The following MYRFL variants were observed in gnomAD, a reference collection of about 807,000 sequenced individuals.
The protein encoded by MYRFL is myelin regulatory factor like.
In MYRFL, 88 loss-of-function variants were observed where a neutral mutation model predicts 109.4. The observed-to-expected ratio is 0.80, with a 90% confidence interval of 0.68 to 0.96. MYRFL has a LOEUF of 0.96. Ranked by LOEUF, MYRFL falls within the 40% of genes least tolerant of loss-of-function variation. MYRFL has a pLI of 0.00. For missense variants in MYRFL, 957 were observed against 954.9 expected (o/e 1.00, Z -0.03); for synonymous variants, 324 against 320.9 (o/e 1.01, Z -0.10).
chr12:69,897,761 C>T (rs1374609682), intron 10 of MYRFL, among the ~76,000 whole-genome samples: 1 of 152,084 alleles, frequency 6.6e-6, no homozygotes, highest in Non-Finnish European at 1.5e-5. Context: ...TCTCTCTGAC[C>T]CTAAAGCCCA....
At chr12:69,911,294 G>A (rs1954560890) in intron 13 of MYRFL, among the ~76,000 whole-genome samples, 1 of 152,106 alleles carries the variant, frequency 6.6e-6, no homozygotes, top group African/African-American at 2.4e-5. Flanking sequence ...TTTTAAAATG[G>A]TAATAAACTT....
At chr12:69,841,468 A>G (rs971617590) in intron 1 of MYRFL, among the ~76,000 whole-genome samples, 20 of 152,198 alleles carry the variant, frequency 1.3e-4, no homozygotes, top group Admixed American at 5.9e-4. Flanking sequence ...GCTCATTTCC[A>G]TGGTGTAAAT....
chr12:69,835,319 G>T (rs1882869171), intron 1 of MYRFL, among the ~76,000 whole-genome samples: 1 of 152,168 alleles, frequency 6.6e-6, no homozygotes, highest in Non-Finnish European at 1.5e-5. Context: ...CCTTAAAAGG[G>T]ATAGAAGTTT....
chr12:69,874,344 A>T (rs542536253), intron 2 of MYRFL, among the ~76,000 whole-genome samples: 24 of 152,168 alleles, frequency 1.6e-4, no homozygotes, highest in African/African-American at 5.8e-4. Flanking sequence ...CGCCCTGCTA[A>T]TTTTAATATT....
intron 2 of MYRFL, among the ~76,000 whole-genome samples, chr12:69,870,182 C>T (rs1282570546): frequency 7.8e-6 from 1 of 127,770 alleles, no homozygotes; most frequent in Non-Finnish European, 1.6e-5. Context: ...GATCTCGGCT[C>T]ACTGCAACCT....
intron 1 of MYRFL, among the ~76,000 whole-genome samples, chr12:69,852,295 C>A (rs1029825909): frequency 6.6e-6 from 1 of 152,008 alleles, no homozygotes; most frequent in Non-Finnish European, 1.5e-5. Flanking sequence ...TTATTCAAAT[C>A]TTTTCTTAAG....
At chr12:69,958,197 A>G in intron 23 of MYRFL, 52 bp from the exon 24 acceptor site, 1 of 1,429,584 alleles carries the variant, frequency 7.0e-7, no homozygotes, top group Non-Finnish European at 9.5e-7. Flanking sequence ...ACTCTTTCCT[A>G]CTGACTGTCA....
rs145873708 is a variant in MYRFL, at chr12:69,914,071, A to AT, written c.1602+3148dup. On this transcript the variant is annotated intron_variant, in intron 13 of 24. Coordinates refer to ENST00000552032, the MANE Select transcript of MYRFL (RefSeq NM_182530.3). ...TCTTTTCGATGTGATTGTAAGAGGG[A>AT]TTTTTTTCCTAGTTTTCTTTTCAGA... Among the ~76,000 whole-genome samples the AT allele has an allele frequency of 2.0e-3, 299 of 151,942 alleles. 6 individuals carry two copies. The East Asian group carries it at 0.05, about 25-fold the overall frequency.
At chr12:69,904,959 G>A (rs1954308295) in intron 11 of MYRFL, among the ~76,000 whole-genome samples, 1 of 152,192 alleles carries the variant, frequency 6.6e-6, no homozygotes. Flanking sequence ...TTTGCTTAGA[G>A]GATTCCAAAG....
chr12:69,891,025 A>T lies in MYRFL; in HGVS notation c.762A>T (p.Ala254=). The T allele has an allele frequency of 1.3e-6, 2 of 1,534,740 alleles. No homozygotes were observed. Among genetic ancestry groups the T allele is most frequent in the Non-Finnish European group, 1.7e-6 (2 of 1,146,320 alleles). Residue 254 remains alanine (A), a synonymous_variant, in exon 7 of 25, where the codon GCA becomes GCT. Coordinates refer to ENST00000552032, the MANE Select transcript of MYRFL (RefSeq NM_182530.3). ...VTDKGFNFSP[A]DEAFVCQKKN... is the part of the protein sequence containing the mutation. The stretch of plus-strand genomic sequence containing the variant: ...ACAAAGGATTTAATTTTTCACCAGC[A>T]GATGAAGCTTTTGTTTGCCAAAAGA...
chr12:69,839,672 A>G (rs1012600950), intron 1 of MYRFL, among the ~76,000 whole-genome samples: 1 of 152,240 alleles, frequency 6.6e-6, no homozygotes, highest in African/African-American at 2.4e-5. Context: ...TACCTATCTC[A>G]TAGAATAAAA....
At chr12:69,866,848 G>A (rs1332303958) in intron 2 of MYRFL, among the ~76,000 whole-genome samples, 1 of 152,218 alleles carries the variant, frequency 6.6e-6, no homozygotes, top group Non-Finnish European at 1.5e-5. Context: ...TCCATGGTCA[G>A]TAAATTAGCT....
intron 12 of MYRFL, 117 bp downstream of exon 12, chr12:69,910,194 T>C: frequency 1.4e-6 from 1 of 707,854 alleles, no homozygotes. Context: ...ATCTAACTTG[T>C]TCTCTGTGAA....
intron 7 of MYRFL, 25 bp from the exon 8 acceptor site, chr12:69,893,735 ATTAG>A (rs1800557007): frequency 7.9e-7 from 1 of 1,259,838 alleles, no homozygotes; most frequent in Non-Finnish European, 1.0e-6. Flanking sequence ...TAATTAATTA[ATTAG>A]TTTACTTTTT....
chr12:69,930,750 T>G (rs559063148), intron 15 of MYRFL, among the ~76,000 whole-genome samples: 4 of 147,566 alleles, frequency 2.7e-5, no homozygotes, highest in African/African-American at 1.0e-4. Flanking sequence ...TGGTAGAGGC[T>G]GCAGTGAGGC....
Position 69,886,909 on chromosome 12 carries a change from A to C in MYRFL, c.646A>C (p.Lys216Gln). Residue 216 changes from lysine (K) to glutamine (Q), a missense_variant, in exon 6 of 25, where the codon AAG becomes CAG. Lys to Gln is a moderately conservative substitution (Grantham distance 53). Transcript: ENST00000552032. ...MPTDQCSPAL[K>Q]WQPCHSVPWH... is the part of the protein sequence containing the mutation. ...TACAGACCAGTGCTCTCCTGCTCTG[A>C]AGTGGCAACCATGCCATAGTGTTCC... is the stretch of plus-strand genomic sequence containing the variant. The C allele has an allele frequency of 6.5e-7, 1 of 1,535,920 alleles. No homozygotes were observed. The highest frequency in any genetic ancestry group is 8.7e-7 in the Non-Finnish European group (1 of 1,146,720).
chr12:69,899,763 A>G (rs1395434429), intron 10 of MYRFL, among the ~76,000 whole-genome samples: 1 of 152,174 alleles, frequency 6.6e-6, no homozygotes, highest in Non-Finnish European at 1.5e-5. Context: ...TGGAGAGAGA[A>G]TGGTGGGCAG....
rs1430156509 is a variant in MYRFL at position 69,901,203 on chromosome 12, TTTAA to T, written c.1183-2434_1183-2431del. On this transcript the variant is annotated intron_variant, in intron 10 of 24. Coordinates refer to ENST00000552032, the MANE Select transcript of MYRFL (RefSeq NM_182530.3). ...CAAACAATAAAAATATTTTAGACAT[TTTAA>T]TTAATTTGTTTTGGTGTTTGATATC... Among the ~76,000 whole-genome samples the T allele has an allele frequency of 9.9e-5, 15 of 152,276 alleles. No individual in the cohort carries two copies. The East Asian group carries it at 1.4e-3, about 14-fold the overall frequency.
At chr12:69,864,649 A>G (rs1884902779) in intron 2 of MYRFL, among the ~76,000 whole-genome samples, 1 of 17,308 alleles carries the variant, frequency 5.8e-5, no homozygotes. Context: ...ACACACACAC[A>G]CACACACACA....
Sources: gnomAD v4.1 joint callset for allele counts (sites outside exome capture counted in the v4.1 genomes callset) on GRCh38, gnomAD v4.1.1 for gene constraint, MANE v1.5 for transcripts, NCBI Gene and HGNC (gene_info 2026-07-23, HGNC 2026-07-21) for gene names.